The following RBPJ variants were observed in gnomAD, a reference collection of about 807,000 sequenced individuals.
RBPJ encodes recombination signal binding protein for immunoglobulin kappa J region.
A neutral mutation model predicts 67.8 loss-of-function variants in RBPJ; 9 were observed. The observed-to-expected ratio is 0.13, with a 90% confidence interval of 0.08 to 0.23. The LOEUF (loss-of-function observed/expected upper bound fraction) is 0.23. Among genes scored for constraint, RBPJ ranks in the 10% least tolerant of loss-of-function variants. The pLI is 1.00. For synonymous variants in RBPJ, 198 were observed against 203.3 expected (o/e 0.97, Z 0.22); for missense variants, 305 against 595.6 (o/e 0.51, Z 5.08).
chr4:26,417,762 A>G (rs1378868003), intron 4 of RBPJ, among the ~76,000 whole-genome samples: 1 of 152,230 alleles, frequency 6.6e-6, no homozygotes, highest in African/African-American at 2.4e-5. Flanking sequence ...TGTCTGCCTC[A>G]CTTAAACTCC....
chr4:26,117,650 T>C, the RBPJ span, among the ~76,000 whole-genome samples: 2 of 152,164 alleles, frequency 1.3e-5, no homozygotes, highest in African/African-American at 4.8e-5. Context: ...GCTGGGTTCC[T>C]CCACTTAATT....
chr4:26,166,082 G>A (rs1292755040), intron 1 of RBPJ, among the ~76,000 whole-genome samples: 17 of 148,712 alleles, frequency 1.1e-4, no homozygotes, highest in Non-Finnish European at 2.1e-4. Context: ...ATTCCATGGT[G>A]TATATGTGCC....
intron 1 of RBPJ, among the ~76,000 whole-genome samples, chr4:26,299,455 T>C (rs1721996771): frequency 6.6e-6 from 1 of 152,130 alleles, no homozygotes; most frequent in Non-Finnish European, 1.5e-5. Context: ...ATGTTTCAGT[T>C]TCAGTTTTCA....
At chr4:26,295,939 C>T (rs1249969058) in intron 1 of RBPJ, among the ~76,000 whole-genome samples, 24 of 152,166 alleles carry the variant, frequency 1.6e-4, no homozygotes, top group Non-Finnish European at 7.4e-5. Context: ...TTCACTCCTG[C>T]AATGCTCATT....
intron 1 of RBPJ, among the ~76,000 whole-genome samples, chr4:26,235,840 A>T (rs1296175655): frequency 6.6e-6 from 1 of 152,262 alleles, no homozygotes; most frequent in Non-Finnish European, 1.5e-5. Flanking sequence ...GGTGAGAATG[A>T]CAGATTGTTG....
At chr4:26,197,917 C>T (rs954086398) in intron 1 of RBPJ, among the ~76,000 whole-genome samples, 16 of 152,222 alleles carry the variant, frequency 1.1e-4, no homozygotes, top group African/African-American at 3.9e-4. Flanking sequence ...CTGACTATAT[C>T]GGCCACTTTC....
At chr4:26,129,552 C>A in the RBPJ span, among the ~76,000 whole-genome samples, 25 of 152,306 alleles carry the variant, frequency 1.6e-4, no homozygotes, top group South Asian at 4.1e-4. Context: ...CTTTGGGGGA[C>A]CTCATTTTTC....
chr4:26,340,503 T>A (rs1173735496), intron 1 of RBPJ, among the ~76,000 whole-genome samples: 1 of 152,142 alleles, frequency 6.6e-6, no homozygotes, highest in Non-Finnish European at 1.5e-5. Flanking sequence ...AGAGCAGAGC[T>A]AAAGAAAAGT....
chr4:26,303,722 T>C (rs2109301634), intron 1 of RBPJ, among the ~76,000 whole-genome samples: 1 of 152,224 alleles, frequency 6.6e-6, no homozygotes, highest in South Asian at 2.1e-4. Context: ...GGCGGGAGGA[T>C]TGCTTGAGCC....
intron 1 of RBPJ, among the ~76,000 whole-genome samples, chr4:26,200,668 A>T (rs530311753): frequency 7.2e-6 from 1 of 138,470 alleles, no homozygotes; most frequent in Admixed American, 7.7e-5. Context: ...CTGAAAAAAA[A>T]AAGAAAAAAA....
chr4:26,169,840 C>A (rs895198139), intron 1 of RBPJ, among the ~76,000 whole-genome samples: 5 of 152,198 alleles, frequency 3.3e-5, no homozygotes, highest in African/African-American at 7.2e-5. Context: ...GCTGTGCTAG[C>A]AATCAGCGAG....
chr4:26,318,951 C>A (rs1252533670), upstream of RBPJ, among the ~76,000 whole-genome samples: 1 of 140,120 alleles, frequency 7.1e-6, no homozygotes, highest in Non-Finnish European at 1.5e-5. Context: ...GAGCCGAGAT[C>A]GCGCCACTGC....
At chr4:26,208,384 G>A (rs754977045) in intron 1 of RBPJ, among the ~76,000 whole-genome samples, 4 of 152,188 alleles carry the variant, frequency 2.6e-5, no homozygotes, top group Admixed American at 6.5e-5. Context: ...GGGCCCAAGG[G>A]CATTGCACTC....
At chr4:26,154,734 T>A in the RBPJ span, among the ~76,000 whole-genome samples, 3 of 152,220 alleles carry the variant, frequency 2.0e-5, no homozygotes, top group Non-Finnish European at 4.4e-5. Flanking sequence ...CATCTACTTC[T>A]GGCAAGGCCT....
intron 1 of RBPJ, among the ~76,000 whole-genome samples, chr4:26,204,135 G>A (rs1221295589): frequency 2.6e-5 from 4 of 151,948 alleles, no homozygotes; most frequent in Non-Finnish European, 5.9e-5. Context: ...TGTAGGGATG[G>A]GGGGGTCTCA....
intron 2 of RBPJ, among the ~76,000 whole-genome samples, chr4:26,394,538 G>A (rs1731908716): frequency 6.6e-6 from 1 of 151,404 alleles, no homozygotes; most frequent in Non-Finnish European, 1.5e-5. Flanking sequence ...TTCTTGTACT[G>A]TTGAGGCTTT....
chr4:26,195,469 AATG>A (rs1271097543), intron 1 of RBPJ, among the ~76,000 whole-genome samples: 7 of 152,164 alleles, frequency 4.6e-5, no homozygotes, highest in Admixed American at 2.6e-4. Context: ...AAATAATAAT[AATG>A]ATAAGTTTTA....
At chr4:26,170,676 T>G (rs1383547745) in intron 1 of RBPJ, among the ~76,000 whole-genome samples, 1 of 152,214 alleles carries the variant, frequency 6.6e-6, no homozygotes, top group African/African-American at 2.4e-5. Flanking sequence ...ATCAGTAATT[T>G]TTGTTAACTG....
intron 1 of RBPJ, among the ~76,000 whole-genome samples, chr4:26,308,440 A>G (rs900877703): frequency 6.6e-6 from 1 of 152,242 alleles, no homozygotes; most frequent in Admixed American, 6.5e-5. Context: ...TTCTTGCAGT[A>G]ATTTCACAAT....
Sources: gnomAD v4.1 joint callset for allele counts (sites outside exome capture counted in the v4.1 genomes callset) on GRCh38, gnomAD v4.1.1 for gene constraint, MANE v1.5 for transcripts, NCBI Gene and HGNC (gene_info 2026-07-23, HGNC 2026-07-21) for gene names.